MGST2: variants seen among roughly 807,000 people sequenced by gnomAD.
MGST2 encodes the protein glutathione peroxidase MGST2.
Under a neutral mutation model 16.6 loss-of-function variants are expected in MGST2, and 9 were observed. The ratio of observed to expected loss-of-function variants is 0.54; its 90% CI spans 0.33 to 0.95. The LOEUF (loss-of-function observed/expected upper bound fraction) is 0.95, where lower values mean the gene tolerates loss of function less well. Among genes scored for constraint, MGST2 ranks in the 40% least tolerant of loss-of-function variants. MGST2 has a pLI of 0.03. For synonymous variants in MGST2, 79 were observed against 68.0 expected, an observed-to-expected ratio of 1.16 and a Z score of -0.79; for missense variants, 159 against 175.1, an observed-to-expected ratio of 0.91 and a Z score of 0.52.
At chr4:139,753,154 G>T in the MGST2 span, among the ~76,000 whole-genome samples, 3 of 152,036 alleles carry the variant, frequency 2.0e-5, no homozygotes, top group Non-Finnish European at 4.4e-5. Context: ...CTTTTCATTG[G>T]GGTAAAATAT....
downstream of MGST2, among the ~76,000 whole-genome samples, chr4:139,741,662 G>A (rs1207416432): frequency 6.6e-6 from 1 of 152,140 alleles, no homozygotes; most frequent in Non-Finnish European, 1.5e-5. Flanking sequence ...TGGGAGGATC[G>A]CTTGAGCCTG....
chr4:139,738,508 A>G (rs953282607), intron 5 of MGST2, among the ~76,000 whole-genome samples: 1 of 152,136 alleles, frequency 6.6e-6, no homozygotes, highest in African/African-American at 2.4e-5. Flanking sequence ...GCACCACTGC[A>G]CTCCAGCCTG....
the MGST2 span, among the ~76,000 whole-genome samples, chr4:139,748,097 TGG>T: frequency 6.9e-6 from 1 of 144,850 alleles, no homozygotes; most frequent in Non-Finnish European, 1.5e-5. Context: ...ATAGAGGTAG[TGG>T]GCCTTTGAAA....
chr4:139,680,146 A>G (rs1468490384), intron 2 of MGST2, among the ~76,000 whole-genome samples: 1 of 152,214 alleles, frequency 6.6e-6, no homozygotes, highest in African/African-American at 2.4e-5. Flanking sequence ...AAATAATTTC[A>G]TGCTCCTTTA....
chr4:139,701,942 G>A (rs1727269974), intron 3 of MGST2, among the ~76,000 whole-genome samples: 1 of 151,108 alleles, frequency 6.6e-6, no homozygotes. Context: ...TTCCTGCCTG[G>A]GTGACAGAGC....
the MGST2 span, among the ~76,000 whole-genome samples, chr4:139,753,804 G>A: frequency 2.0e-5 from 3 of 152,140 alleles, no homozygotes; most frequent in Non-Finnish European, 4.4e-5. Flanking sequence ...GCCAGACACA[G>A]CGCTGGACAC....
chr4:139,700,711 C>G (rs1036244766), intron 3 of MGST2, among the ~76,000 whole-genome samples: 1 of 152,160 alleles, frequency 6.6e-6, no homozygotes, highest in Non-Finnish European at 1.5e-5. Flanking sequence ...TTGTATGTAG[C>G]GACTCTACAA....
In MGST2 at chr4:139,665,907, T is replaced by C; in HGVS notation, c.-113T>C. ...GGTCATTCAGCCGCTTGAATCAGCC[T>C]TTTCCCCCCACCCGGTCCCCAACTT... is the stretch of plus-strand genomic sequence containing the variant. On this transcript the variant is annotated 5_prime_UTR_variant, in exon 1 of 5. Coordinates refer to ENST00000265498, the MANE Select transcript of MGST2 (RefSeq NM_002413.5). 9.4e-7 allele frequency: 1 copy of C among 1,063,620 alleles called. No individual in the cohort carries two copies. Among genetic ancestry groups the C allele is most frequent in the Non-Finnish European group, 1.4e-6 (1 of 696,586 alleles). The allele number at this position is 1,063,620 out of a possible 1,614,324, so 65.9% of individuals were successfully genotyped here. A position where few individuals can be genotyped will look rare whatever the true frequency, so the allele number is the denominator to read the frequency against.
At chr4:139,734,442 G>C (rs1728847450) in intron 5 of MGST2, among the ~76,000 whole-genome samples, 1 of 152,160 alleles carries the variant, frequency 6.6e-6, no homozygotes, top group Non-Finnish European at 1.5e-5. Flanking sequence ...TCTTAATACA[G>C]TTTCTTCCCC....
intron 5 of MGST2, among the ~76,000 whole-genome samples, chr4:139,739,520 G>GT (rs1729079356): frequency 6.6e-6 from 1 of 152,054 alleles, no homozygotes; most frequent in African/African-American, 2.4e-5. Context: ...TTGGTTAAAA[G>GT]TTCATTAGTG....
At chr4:139,669,985 A>G (rs780860847) in intron 1 of MGST2, among the ~76,000 whole-genome samples, 4 of 152,170 alleles carry the variant, frequency 2.6e-5, no homozygotes, top group Non-Finnish European at 4.4e-5. Flanking sequence ...CTGGTGGGAA[A>G]GTTCGTCCAG....
At chr4:139,698,777 C>T (rs1727082200) in intron 3 of MGST2, among the ~76,000 whole-genome samples, 1 of 151,898 alleles carries the variant, frequency 6.6e-6, no homozygotes, top group Admixed American at 6.6e-5. Context: ...ATCACTTTTT[C>T]TTTCTTTTTT....
intron 5 of MGST2, among the ~76,000 whole-genome samples, chr4:139,714,858 C>A (rs1219052552): frequency 6.6e-6 from 1 of 152,128 alleles, no homozygotes; most frequent in African/African-American, 2.4e-5. Context: ...TTCCAGTAAT[C>A]CTACCAGCTC....
the MGST2 span, among the ~76,000 whole-genome samples, chr4:139,749,569 TC>T: frequency 6.6e-6 from 1 of 152,142 alleles, no homozygotes; most frequent in South Asian, 2.1e-4. Flanking sequence ...GGGGCGCCGA[TC>T]AGAGAAATCT....
At chr4:139,697,936 CA>C (rs1204114118) in intron 3 of MGST2, among the ~76,000 whole-genome samples, 1 of 151,888 alleles carries the variant, frequency 6.6e-6, no homozygotes, top group Non-Finnish European at 1.5e-5. Flanking sequence ...TACGTCTCCG[CA>C]TTTATATTAA....
intron 5 of MGST2, chr4:139,719,377 G>A (rs559373043): frequency 2.6e-5 from 42 of 1,612,320 alleles, no homozygotes; most frequent in South Asian, 5.5e-5. Flanking sequence ...CCCCTGGCCC[G>A]CCTTTGATGA....
At position 139,703,449 on chromosome 4, in the gene MGST2, C is replaced by G. The variant is rs745631582; in HGVS notation, c.230-6C>G. 1.9e-6 allele frequency: 3 copies of G among 1,613,094 alleles called. No individual in the cohort carries two copies. Among genetic ancestry groups the G allele is most frequent in the African/African-American group, 1.3e-5 (1 of 74,942 alleles). ...CCTTTTCTTTTTTTTTCCCACCCCC[C>G]TATAGTTTTTGCTACTTGTCTGGGT... is the stretch of plus-strand genomic sequence containing the variant. On this transcript the variant is annotated splice_polypyrimidine_tract_variant and splice_region_variant and intron_variant, in intron 3 of 4. Transcript: ENST00000265498.
At chr4:139,674,468 G>GTT (rs569060254) in intron 1 of MGST2, among the ~76,000 whole-genome samples, 41 of 144,448 alleles carry the variant, frequency 2.8e-4, no homozygotes, top group Non-Finnish European at 2.6e-4. Context: ...GAGCTATGTA[G>GTT]TTTTTTTTTT....
the MGST2 span, among the ~76,000 whole-genome samples, chr4:139,749,945 A>AT: frequency 2.1e-4 from 32 of 149,378 alleles, 1 homozygote; most frequent in East Asian, 6.4e-3. Flanking sequence ...CAACTTAAGA[A>AT]TAAGAAAAGA....
Sources: gnomAD v4.1 joint callset for allele counts (sites outside exome capture counted in the v4.1 genomes callset) on GRCh38, gnomAD v4.1.1 for gene constraint, MANE v1.5 for transcripts, NCBI Gene and HGNC (gene_info 2026-07-23, HGNC 2026-07-21) for gene names.